Variants in DZIP1 observed in about 807,000 individuals in gnomAD.
DZIP1 encodes the protein DAZ interacting zinc finger protein 1, also known as cilium assembly protein DZIP1.
Under a neutral mutation model 107.6 loss-of-function variants are expected in DZIP1, and 97 were observed. That is an observed-to-expected ratio of 0.90 (90% CI 0.77 to 1.07). The LOEUF (loss-of-function observed/expected upper bound fraction) is 1.07, where lower values mean the gene tolerates loss of function less well. Ranked by LOEUF, DZIP1 falls within the 50% of genes least tolerant of loss-of-function variation. DZIP1 has a pLI of 0.00. For missense variants in DZIP1, 1,035 were observed against 1,063.6 expected (o/e 0.97, Z 0.37); for synonymous variants, 390 against 386.4 (o/e 1.01, Z -0.11).
intron 7 of DZIP1, among the ~76,000 whole-genome samples, chr13:95,625,910 C>T (rs1337983784): frequency 6.6e-6 from 1 of 151,766 alleles, no homozygotes; most frequent in African/African-American, 2.4e-5. Context: ...ATCACTTGAT[C>T]TCAGGAGTTT....
chr13:95,637,854 A>C (rs543208178), intron 5 of DZIP1, among the ~76,000 whole-genome samples: 1 of 152,204 alleles, frequency 6.6e-6, no homozygotes, highest in Non-Finnish European at 1.5e-5. Flanking sequence ...GTACAGATCT[A>C]TAAGTATAAT....
intron 11 of DZIP1, 29 bp downstream of exon 11, chr13:95,612,008 G>C (rs551005960): frequency 7.5e-6 from 12 of 1,607,108 alleles, no homozygotes; most frequent in Non-Finnish European, 1.0e-5. Flanking sequence ...GCTTAAAGAA[G>C]CACGGTGCCA....
intron 13 of DZIP1, 62 bp from the exon 14 acceptor site, chr13:95,606,121 A>G (rs2044766882): frequency 2.6e-6 from 4 of 1,552,504 alleles, no homozygotes; most frequent in Non-Finnish European, 3.5e-6. Flanking sequence ...GCATCCGAAC[A>G]TGATGGTAGC....
At chr13:95,616,816 C>T (rs1048801160) in intron 10 of DZIP1, among the ~76,000 whole-genome samples, 3 of 152,062 alleles carry the variant, frequency 2.0e-5, no homozygotes, top group Non-Finnish European at 4.4e-5. Context: ...GGTGAAGGGA[C>T]TCTGGAGACG....
intron 15 of DZIP1, 129 bp from the exon 16 acceptor site, chr13:95,594,215 G>T (rs1354368825): frequency 2.6e-6 from 2 of 757,314 alleles, no homozygotes; most frequent in African/African-American, 3.6e-5. Flanking sequence ...AAAGTTTTTG[G>T]ATATTTTAGT....
Position 95,624,774 on chromosome 13 carries a change from T to G in DZIP1, c.966A>C (p.Leu322Phe), listed in dbSNP as rs747931116. The change falls in exon 8 of 23, where the codon TTA becomes TTC. Residue 322 changes from leucine (L) to phenylalanine (F), a missense_variant. Leu to Phe is a conservative substitution (Grantham distance 22, BLOSUM62 0). Coordinates refer to ENST00000376829, the MANE Select transcript of DZIP1 (RefSeq NM_198968.4). ...TTCTAGGTTTAATACTTACATATTC[T>G]AATGCTGAATTCTTCGAAGTTAATT... ...FKELTSKNSA[L>F]EYQLSEIQKS... The G allele has an allele frequency of 1.3e-6, 2 of 1,596,066 alleles. No homozygotes were observed. Among genetic ancestry groups the G allele is most frequent in the African/African-American group, 2.7e-5 (2 of 74,708 alleles).
At chr13:95,617,873 T>C in intron 10 of DZIP1, 1 of 518,536 alleles carries the variant, frequency 1.9e-6, no homozygotes, top group Admixed American at 1.9e-5. Flanking sequence ...AAGAACTGGT[T>C]CCATAGAGTG....
At chr13:95,612,220 T>A in intron 10 of DZIP1, 43 bp from the exon 11 acceptor site, 1 of 1,585,296 alleles carries the variant, frequency 6.3e-7, no homozygotes, top group South Asian at 1.1e-5. Context: ...AAGCTGCATG[T>A]CAAATGTCTT....
intron 8 of DZIP1, 112 bp downstream of exon 8, chr13:95,624,656 G>A: frequency 1.1e-6 from 1 of 933,194 alleles, no homozygotes; most frequent in Non-Finnish European, 1.6e-6. Context: ...GGAGAAGAAT[G>A]TCTGCACGAG....
intron 6 of DZIP1, chr13:95,630,801 T>C: frequency 8.2e-7 from 1 of 1,212,678 alleles, no homozygotes; most frequent in Non-Finnish European, 1.1e-6. Context: ...AAAGTCAGAA[T>C]CTCAAAGATG....
rs762636798 is a variant in DZIP1 at position 95,584,839 on chromosome 13, A to G, written c.2421T>C (p.Ser807=). The G allele has an allele frequency of 6.2e-7, 1 of 1,614,142 alleles. No individual in the cohort carries two copies. Among genetic ancestry groups the G allele is most frequent in the Non-Finnish European group, 8.5e-7 (1 of 1,180,012 alleles). Residue 807 remains serine, a synonymous_variant, in exon 22 of 23, where the codon TCT becomes TCC. Transcript: ENST00000376829. ...LEEEISLGKK[S]GKEQKEPPPA... is the part of the protein sequence containing the mutation. ...GTGGAGGTTCCTTCTGTTCTTTCCC[A>G]GATTTTTTTCCCAAAGATATCTCTT... is the stretch of plus-strand genomic sequence containing the variant.
At chr13:95,643,377 T>A (rs1197891) in intron 2 of DZIP1, 120 bp from the exon 3 acceptor site, 59,641 of 152,070 alleles carry the variant, frequency 0.39, 12,822 homozygotes, top group East Asian at 0.64. Context: ...AATAAACCCA[T>A]GCAAAAACAT....
At chr13:95,605,037 C>T (rs952288087) in intron 14 of DZIP1, among the ~76,000 whole-genome samples, 3 of 152,164 alleles carry the variant, frequency 2.0e-5, no homozygotes, top group African/African-American at 4.8e-5. Context: ...TGATCACATA[C>T]TCAAGACAAC....
At chr13:95,615,346 T>C (rs1204395406) in intron 10 of DZIP1, among the ~76,000 whole-genome samples, 1 of 152,128 alleles carries the variant, frequency 6.6e-6, no homozygotes, top group African/African-American at 2.4e-5. Context: ...CCACCCCCGA[T>C]TAATAAAGAA....
intron 7 of DZIP1, among the ~76,000 whole-genome samples, chr13:95,627,665 A>C (rs147452693): frequency 6.6e-6 from 1 of 152,338 alleles, no homozygotes; most frequent in African/African-American, 2.4e-5. Flanking sequence ...GGATGTGGAG[A>C]AATAAGAACA....
At position 95,589,226 on chromosome 13, in the gene DZIP1, A is replaced by G. The variant is rs2044244782; in HGVS notation, c.1974-19T>C. On this transcript the variant is annotated intron_variant, in intron 18 of 22. Coordinates refer to ENST00000376829, the MANE Select transcript of DZIP1 (RefSeq NM_198968.4). Reference sequence around the variant, plus strand: ...CTTAATTCTAAAAAAACAACAGAAAAATATTTTTAAATTGCATAAGTTAAT... The same window carrying G: ...CTTAATTCTAAAAAAACAACAGAAAGATATTTTTAAATTGCATAAGTTAAT... 2 of 1,526,656 alleles carry G rather than the reference A, an allele frequency of 1.3e-6. No individual in the cohort carries two copies. The highest frequency in any genetic ancestry group is 1.8e-6 in the Non-Finnish European group (2 of 1,113,080). 94.6% of individuals were successfully genotyped at this position (1,526,656 alleles called of 1,614,324 possible). A position where few individuals can be genotyped will look rare whatever the true frequency, so the allele number is the denominator to read the frequency against.
At chr13:95,622,743 A>AT (rs5805944) in intron 8 of DZIP1, among the ~76,000 whole-genome samples, 46,876 of 140,786 alleles carry the variant, frequency 0.33, 7,810 homozygotes, top group Non-Finnish European at 0.37. Context: ...AACGAGTCTA[A>AT]TTTTTTTTTT....
intron 14 of DZIP1, among the ~76,000 whole-genome samples, chr13:95,602,431 A>G (rs2044643836): frequency 6.6e-6 from 1 of 152,154 alleles, no homozygotes; most frequent in African/African-American, 2.4e-5. Context: ...ACCTTGCACC[A>G]TAATTATAAG....
In DZIP1 at chr13:95,600,625, T is replaced by TAGACAGACAGACAGAC. The variant is rs1453410238; in HGVS notation, c.1478-1202_1478-1201insGTCTGTCTGTCTGTCT. Among the ~76,000 whole-genome samples, 936 of 125,168 alleles carry TAGACAGACAGACAGAC rather than the reference T, an allele frequency of 7.5e-3. 2 individuals carry two copies. Among genetic ancestry groups the TAGACAGACAGACAGAC allele is most frequent in the Non-Finnish European group, 0.011 (666 of 60,544 alleles). 82.1% of individuals were successfully genotyped at this position (125,168 alleles called of 152,430 possible). A position where few individuals can be genotyped will look rare whatever the true frequency, so the allele number is the denominator to read the frequency against. On this transcript the variant is annotated intron_variant, in intron 14 of 22. Coordinates refer to ENST00000376829, the MANE Select transcript of DZIP1 (RefSeq NM_198968.4). ...ATAGATAGATAGATAGATAGATAGA[T>TAGACAGACAGACAGAC]AGATAGACAGACAGACAGACAGACA...
Sources: allele counts gnomAD v4.1 joint callset (sites outside exome capture counted in the v4.1 genomes callset), GRCh38; gene constraint gnomAD v4.1.1; transcripts MANE v1.5; gene names NCBI Gene and HGNC (gene_info 2026-07-23, HGNC 2026-07-21).